HSPG2: variants seen among roughly 807,000 people sequenced by gnomAD.
HSPG2 encodes the protein heparan sulfate proteoglycan 2.
In HSPG2, 278 loss-of-function variants were observed where a neutral mutation model predicts 526.6. That is an observed-to-expected ratio of 0.53 (90% confidence interval 0.48 to 0.58). HSPG2 has a LOEUF of 0.58. Among genes scored for constraint, HSPG2 ranks in the 20% least tolerant of loss-of-function variants. The pLI is 0.00. For missense variants in HSPG2, 5,354 were observed against 6,099.5 expected (o/e 0.88, Z 4.07); for synonymous variants, 2,465 against 2,555.4 (o/e 0.96, Z 1.07).
intron 74 of HSPG2, 138 bp from the exon 75 acceptor site, chr1:21,837,144 C>A: frequency 1.3e-6 from 1 of 784,436 alleles, no homozygotes; most frequent in East Asian, 2.7e-5. Flanking sequence ...GAAAAAAGAC[C>A]GTTCAGTGGC....
chr1:21,843,499 C>A, intron 65 of HSPG2, 61 bp from the exon 66 acceptor site: 1 of 1,551,324 alleles, frequency 6.4e-7, no homozygotes, highest in Non-Finnish European at 8.8e-7. Flanking sequence ...GCCCAGGCCT[C>A]TGGTACCCAC....
intron 1 of HSPG2, among the ~76,000 whole-genome samples, chr1:21,930,366 A>G (rs1482177010): frequency 6.6e-6 from 1 of 152,112 alleles, no homozygotes; most frequent in Non-Finnish European, 1.5e-5. Flanking sequence ...TTTTCTTCTG[A>G]GCACTTATCA....
intron 71 of HSPG2, among the ~76,000 whole-genome samples, chr1:21,840,462 C>T (rs979266110): frequency 7.2e-5 from 11 of 152,072 alleles, no homozygotes; most frequent in African/African-American, 9.7e-5. Context: ...CCCGCCATCA[C>T]GCCTGGCTAA....
intron 76 of HSPG2, chr1:21,835,173 G>A: frequency 1.6e-6 from 1 of 637,050 alleles, no homozygotes; most frequent in Admixed American, 2.3e-5. Context: ...GGTCTTGGTT[G>A]TATTCACAGG....
Position 21,867,987 on chromosome 1 carries a change from C to T in HSPG2, c.4222-2178G>A, listed in dbSNP as rs12136730. Among the ~76,000 whole-genome samples, 421 of 151,820 alleles carry T rather than the reference C, an allele frequency of 2.8e-3. 1 individual carries two copies. Among genetic ancestry groups the T allele is most frequent in the Middle Eastern group, 0.01 (3 of 294 alleles). On this transcript the variant is annotated intron_variant, in intron 33 of 96. Transcript: ENST00000374695. The stretch of plus-strand genomic sequence containing the variant: ...TCAGGTGTTCTGCCTGCCCCAGTCT[C>T]CCAAAGTGCTGCGATTATAGGCATG...
Position 21,830,004 on chromosome 1 carries a change from C to T in HSPG2, c.11759G>A (p.Arg3920Gln), listed in dbSNP as rs765619056. 8.1e-6 allele frequency: 13 copies of T among 1,608,638 alleles called. No homozygotes were observed. The highest frequency in any genetic ancestry group is 4.5e-5 in the South Asian group (4 of 89,808). ...CRCHLGRSGL[R>Q]CEEGVTVTTP... ...CTGGCTCCCCTCACCTTCCTCACAC[C>T]GCAACCCCGAGCGGCCCAGGTGGCA... The change falls in exon 86 of 97, where the codon CGG becomes CAG. Residue 3920 changes from arginine to glutamine, a missense_variant. Physicochemically the swap from Arg to Gln is conservative, Grantham distance 43. Transcript: ENST00000374695.
At chr1:21,861,205 A>T (rs1639760080) in intron 39 of HSPG2, among the ~76,000 whole-genome samples, 1 of 152,232 alleles carries the variant, frequency 6.6e-6, no homozygotes, top group Admixed American at 6.5e-5. Flanking sequence ...ACACCTCAGC[A>T]CACAGCATGG....
chr1:21,836,547 T>C (rs1194278923), intron 75 of HSPG2, among the ~76,000 whole-genome samples: 2 of 152,202 alleles, frequency 1.3e-5, no homozygotes, highest in African/African-American at 4.8e-5. Flanking sequence ...GGTCTCAAAC[T>C]CCTGACCTCA....
rs751555289 is a variant in HSPG2 at position 21,852,090 on chromosome 1, G to T, written c.6868C>A (p.Gln2290Lys). ...KRGGSLPARH[Q>K]VRGSRLYIFQ... ...CCCACATTCTTGGTGCCCTGTACCT[G>T]GTGCCGGGCAGGGAGGCTGCCCCCA... Residue 2290 changes from glutamine (Q) to lysine (K), a missense_variant and splice_region_variant, in exon 53 of 97, where the codon CAG becomes AAG. By Grantham distance (53) the Gln-to-Lys change is moderately conservative. Coordinates refer to ENST00000374695, the MANE Select transcript of HSPG2 (RefSeq NM_005529.7). The T allele has an allele frequency of 3.1e-6, 5 of 1,613,390 alleles. 1 individual carries two copies. In the South Asian group the frequency reaches 5.5e-5, roughly 18 times the overall value.
chr1:21,868,938 G>A (rs773612090), intron 33 of HSPG2: 34 of 982,708 alleles, frequency 3.5e-5, no homozygotes, highest in Non-Finnish European at 3.5e-5. Flanking sequence ...CTTCCAGGAA[G>A]CAGAGAGAAG....
rs2098039160 is a variant in HSPG2 at position 21,839,285 on chromosome 1, G to A, written c.9889+86C>T. The A allele has an allele frequency of 3.3e-6, 5 of 1,523,486 alleles. No individual in the cohort carries two copies. Among genetic ancestry groups the A allele is most frequent in the Non-Finnish European group, 9.0e-7 (1 of 1,110,584 alleles). 94.4% of individuals were successfully genotyped at this position (1,523,486 alleles called of 1,614,324 possible). Reference sequence around the variant, plus strand: ...GCAGCGCCTGGAGACCTCTGGATGGGGTTCCTGGGGTTCTGTGTGGGGTGG... The same window carrying A: ...GCAGCGCCTGGAGACCTCTGGATGGAGTTCCTGGGGTTCTGTGTGGGGTGG... On this transcript the variant is annotated intron_variant, in intron 73 of 96. Transcript: ENST00000374695. The surrounding 1 kb of genome is among the most constrained non-coding windows in gnomAD (Gnocchi z 4.5).
chr1:21,827,487 A>C (rs1057215278), intron 91 of HSPG2, among the ~76,000 whole-genome samples: 1 of 152,238 alleles, frequency 6.6e-6, no homozygotes, highest in African/African-American at 2.4e-5. Context: ...GTAAACATTC[A>C]ATCAGCATTC....
rs368186762 is a variant in HSPG2 at position 21,828,212 on chromosome 1, A to G, written c.12409+43T>C. On this transcript the variant is annotated intron_variant, in intron 89 of 96. Transcript: ENST00000374695. This position sits in a 1 kb window ranked among gnomAD's most constrained non-coding sequence, Gnocchi z 6.0. ...GCATGGGCTGGAGGTGTCGCTGACCACCTGTGCCCCTCCCCTCCGGTGCCC... is the reference window on the plus strand; with the variant it reads ...GCATGGGCTGGAGGTGTCGCTGACCGCCTGTGCCCCTCCCCTCCGGTGCCC... 58 of 1,612,690 alleles carry G rather than the reference A, an allele frequency of 3.6e-5. No homozygotes were observed. The East Asian group carries it at 7.8e-4, about 22-fold the overall frequency.
chr1:21,905,741 T>TA (rs1429017042), intron 1 of HSPG2, among the ~76,000 whole-genome samples: 3 of 152,114 alleles, frequency 2.0e-5, no homozygotes, highest in African/African-American at 7.2e-5. Context: ...AAAATCCATC[T>TA]AAAAAAATAA....
chr1:21,846,187 C>T lies in HSPG2; in HGVS notation c.8385G>A (p.Val2795=), dbSNP rs1202808806. The T allele has an allele frequency of 1.9e-6, 3 of 1,613,000 alleles. No individual in the cohort carries two copies. Among genetic ancestry groups the T allele is most frequent in the Non-Finnish European group, 2.5e-6 (3 of 1,180,030 alleles). ...PADSGEYVCR[V]MGSSGPLEAS... Reference sequence around the variant, plus strand: ...CCTCCAGGGGGCCAGAGCTGCCCATCACCCGGCACACGTATTCACCCGAGT... The same window carrying T: ...CCTCCAGGGGGCCAGAGCTGCCCATTACCCGGCACACGTATTCACCCGAGT... The change falls in exon 64 of 97, where the codon GTG becomes GTA. Residue 2795 remains valine, a synonymous_variant. Transcript: ENST00000374695.
In HSPG2 at chr1:21,861,694, G is replaced by T. The variant is rs1639800748; in HGVS notation, c.4955+63C>A. On this transcript the variant is annotated intron_variant, in intron 39 of 96. Transcript: ENST00000374695. ...ACTTTTCTGAGCAACACCCTTTAAG[G>T]CTCTCACTTGGGAGTCCACCATTTG... is the stretch of plus-strand genomic sequence containing the variant. 28 of 1,433,680 alleles carry T rather than the reference G, an allele frequency of 2.0e-5. No homozygotes were observed. The South Asian group carries it at 3.1e-4, about 16-fold the overall frequency. 88.8% of individuals were successfully genotyped at this position (1,433,680 alleles called of 1,614,324 possible).
chr1:21,828,707 T>A lies in HSPG2; in HGVS notation c.12237+128A>T. 1 of 1,328,102 alleles carries A rather than the reference T, an allele frequency of 7.5e-7. No homozygotes were observed. Among genetic ancestry groups the A allele is most frequent in the South Asian group, 1.3e-5 (1 of 78,938 alleles). 82.3% of individuals were successfully genotyped at this position (1,328,102 alleles called of 1,614,324 possible). A position where few individuals can be genotyped will look rare whatever the true frequency, so the allele number is the denominator to read the frequency against. Reference sequence around the variant, plus strand: ...AGGAAACTGAGGCTCAGAGGTACAGTGTCCTGGCCCAGGGCCCGTGGGTGG... The same window carrying A: ...AGGAAACTGAGGCTCAGAGGTACAGAGTCCTGGCCCAGGGCCCGTGGGTGG... On this transcript the variant is annotated intron_variant, in intron 88 of 96. Coordinates refer to ENST00000374695, the MANE Select transcript of HSPG2 (RefSeq NM_005529.7). The surrounding 1 kb of genome is among the most constrained non-coding windows in gnomAD (Gnocchi z 6.0).
chr1:21,883,829 G>C (rs1044190093), intron 13 of HSPG2, among the ~76,000 whole-genome samples: 18 of 152,228 alleles, frequency 1.2e-4, no homozygotes, highest in Non-Finnish European at 2.2e-4. Context: ...CAGTGCCTGG[G>C]CTCATGCCCT....
chr1:21,890,151 G>C lies in HSPG2; in HGVS notation c.414-10C>G. ...CCAGCCATCCAGCTCCCTGGGGATG[G>C]AGACAGGCAGGAGAGGAGGGTCAGC... On this transcript the variant is annotated splice_polypyrimidine_tract_variant and intron_variant, in intron 5 of 96. Transcript: ENST00000374695. This position sits in a 1 kb window ranked among gnomAD's most constrained non-coding sequence, Gnocchi z 4.1. 6.2e-7 allele frequency: 1 copy of C among 1,613,972 alleles called. No individual in the cohort carries two copies. Among genetic ancestry groups the C allele is most frequent in the African/African-American group, 1.3e-5 (1 of 75,000 alleles).
Sources: allele counts gnomAD v4.1 joint callset (sites outside exome capture counted in the v4.1 genomes callset), GRCh38; gene constraint gnomAD v4.1.1; non-coding constraint Gnocchi (gnomAD v3.1); transcripts MANE v1.5; gene names NCBI Gene and HGNC (gene_info 2026-07-23, HGNC 2026-07-21).